The following MBTD1 variants were observed in gnomAD, a reference collection of about 807,000 sequenced individuals.
MBTD1 encodes mbt domain containing 1.
Under a neutral mutation model 87.8 loss-of-function variants are expected in MBTD1, and 24 were observed. The observed-to-expected ratio is 0.27, with a 90% CI of 0.20 to 0.38. The LOEUF is 0.38. Among genes scored for constraint, MBTD1 ranks in the 10% least tolerant of loss-of-function variants. The probability of loss-of-function intolerance (pLI) is 1.00; values close to 1 mark genes in which losing one functional copy is unlikely to be tolerated. For synonymous variants in MBTD1, 237 were observed against 248.6 expected (o/e 0.95, Z 0.44); for missense variants, 436 against 760.2 (o/e 0.57, Z 5.02).
intron 16 of MBTD1, among the ~76,000 whole-genome samples, chr17:51,182,317 G>A (rs570799238): frequency 6.6e-6 from 1 of 152,040 alleles, no homozygotes; most frequent in East Asian, 1.9e-4. Context: ...AGTAGAGATG[G>A]GGTTTTGCCA....
At chr17:51,240,719 T>G (rs1329315763) in intron 2 of MBTD1, among the ~76,000 whole-genome samples, 2 of 152,164 alleles carry the variant, frequency 1.3e-5, no homozygotes, top group Non-Finnish European at 2.9e-5. Context: ...ACTATACTCT[T>G]TGGAACAAAG....
intron 6 of MBTD1, among the ~76,000 whole-genome samples, chr17:51,212,930 A>G (rs1441730188): frequency 6.6e-6 from 1 of 152,132 alleles, no homozygotes; most frequent in Non-Finnish European, 1.5e-5. Context: ...GGGTTTCACC[A>G]TGTTGATCAG....
In MBTD1 at chr17:51,218,255, G is replaced by A. The variant is rs76978658; in HGVS notation, c.403+675C>T. ...TCTATTAAAAATCTTCTGGCTGGGCGCTGTGGCTCACACCTGTATTCCCAG... is the reference window on the plus strand; with the variant it reads ...TCTATTAAAAATCTTCTGGCTGGGCACTGTGGCTCACACCTGTATTCCCAG... On this transcript the variant is annotated intron_variant, in intron 5 of 16. Transcript: ENST00000586178. 4.3e-3 allele frequency among the ~76,000 whole-genome samples: 647 copies of A among 151,958 alleles called. 3 individuals are homozygous for A. The highest frequency in any genetic ancestry group is 0.015 in the African/African-American group (620 of 41,408).
rs369433499 is a variant in MBTD1, at chr17:51,231,182, C to T, written c.-48-5973G>A. 5.3e-5 allele frequency among the ~76,000 whole-genome samples: 8 copies of T among 152,268 alleles called. 1 individual carries two copies. The East Asian group carries it at 7.7e-4, about 15-fold the overall frequency. On this transcript the variant is annotated intron_variant, in intron 2 of 16. Coordinates refer to ENST00000586178, the MANE Select transcript of MBTD1 (RefSeq NM_017643.3). Reference sequence around the variant, plus strand: ...CAAACTCCTGACCTTGTGATCTGCCCGCCTTGGCCTCCCAAAGTGCTAGGA... The same window carrying T: ...CAAACTCCTGACCTTGTGATCTGCCTGCCTTGGCCTCCCAAAGTGCTAGGA...
At chr17:51,259,336 T>C (rs2055304317) in intron 1 of MBTD1, 130 bp from the exon 2 acceptor site, 3 of 994,920 alleles carry the variant, frequency 3.0e-6, no homozygotes, top group East Asian at 6.6e-5. Context: ...CTCCCGCACG[T>C]GCCCACCCCG....
chr17:51,220,846 C>A (rs537098434), intron 3 of MBTD1, among the ~76,000 whole-genome samples: 67 of 152,266 alleles, frequency 4.4e-4, no homozygotes, highest in African/African-American at 1.6e-3. Context: ...AAGTGCCACA[C>A]AACTGAGGAT....
chr17:51,204,003 C>A, intron 7 of MBTD1, 78 bp from the exon 8 acceptor site: 1 of 1,141,766 alleles, frequency 8.8e-7, no homozygotes, highest in South Asian at 1.5e-5. Flanking sequence ...TAGCAGTTGT[C>A]AAACTAGTGT....
chr17:51,229,618 A>G (rs1393864827), intron 2 of MBTD1, among the ~76,000 whole-genome samples: 3 of 151,690 alleles, frequency 2.0e-5, no homozygotes, highest in African/African-American at 7.3e-5. Context: ...GGTTATATAC[A>G]CGTTCTAATA....
At chr17:51,240,537 TTA>T (rs1434684204) in intron 2 of MBTD1, among the ~76,000 whole-genome samples, 1 of 152,174 alleles carries the variant, frequency 6.6e-6, no homozygotes, top group Non-Finnish European at 1.5e-5. Context: ...CAGGCTGGGG[TTA>T]TGTTTTTGGC....
chr17:51,202,580 A>C (rs543399109), intron 10 of MBTD1, 121 bp downstream of exon 10: 105 of 738,984 alleles, frequency 1.4e-4, no homozygotes, highest in East Asian at 5.3e-4. Context: ...AAGGTAGAAG[A>C]AGCAGCCCAA....
At chr17:51,258,004 G>T (rs931485235) in intron 2 of MBTD1, among the ~76,000 whole-genome samples, 2 of 89,872 alleles carry the variant, frequency 2.2e-5, no homozygotes, top group African/African-American at 5.1e-5. Context: ...AGAAGGAGGT[G>T]GTGCAAAAAA....
upstream of MBTD1, chr17:51,260,477 A>C: frequency 1.6e-6 from 2 of 1,226,004 alleles, no homozygotes; most frequent in Non-Finnish European, 1.1e-6. Flanking sequence ...GAGGCTGCGC[A>C]GGCTCCTTCC....
In MBTD1 at chr17:51,218,918, C is replaced by G; in HGVS notation, c.403+12G>C. 1 of 1,447,842 alleles carries G rather than the reference C, an allele frequency of 6.9e-7. No individual in the cohort carries two copies. Among genetic ancestry groups the G allele is most frequent in the South Asian group, 1.2e-5 (1 of 81,980 alleles). The allele number at this position is 1,447,842 out of a possible 1,614,324, so 89.7% of individuals were successfully genotyped here. A position where few individuals can be genotyped will look rare whatever the true frequency, so the allele number is the denominator to read the frequency against. ...TCATATATTTCACCTCTGTCAGATTCACCAATATTACCTGCTTTTGTCTTT... is the reference window on the plus strand; with the variant it reads ...TCATATATTTCACCTCTGTCAGATTGACCAATATTACCTGCTTTTGTCTTT... On this transcript the variant is annotated intron_variant, in intron 5 of 16. Transcript: ENST00000586178.
intron 14 of MBTD1, 64 bp downstream of exon 14, chr17:51,193,364 A>G (rs2050904895): frequency 9.2e-7 from 1 of 1,092,660 alleles, no homozygotes; most frequent in Non-Finnish European, 1.4e-6. Context: ...ATTTTTATGA[A>G]CATAAATTGT....
rs148070243 is a variant in MBTD1, at chr17:51,202,568, T to C, written c.1063+133A>G. The C allele has an allele frequency of 1.0e-3, 682 of 684,578 alleles. 8 individuals are homozygous for C. In the East Asian group the frequency reaches 0.015, roughly 15 times the overall value. The allele number at this position is 684,578 out of a possible 1,614,324, so 42.4% of individuals were successfully genotyped here. Reference sequence around the variant, plus strand: ...CTAATATGGTGTGAACCTTCACTAATTAAGGTAGAAGAAGCAGCCCAAACA... The same window carrying C: ...CTAATATGGTGTGAACCTTCACTAACTAAGGTAGAAGAAGCAGCCCAAACA... On this transcript the variant is annotated intron_variant, in intron 10 of 16. Transcript: ENST00000586178.
chr17:51,182,843 G>A (rs932305685), intron 16 of MBTD1, among the ~76,000 whole-genome samples: 2 of 152,226 alleles, frequency 1.3e-5, no homozygotes, highest in Non-Finnish European at 2.9e-5. Flanking sequence ...ATCTGGATAG[G>A]TAGTATGCCA....
intron 7 of MBTD1, among the ~76,000 whole-genome samples, chr17:51,204,148 T>C (rs1465792182): frequency 1.3e-5 from 2 of 152,228 alleles, no homozygotes; most frequent in South Asian, 2.1e-4. Flanking sequence ...GTGATGCTGT[T>C]GCTGCTGGTC....
chr17:51,220,522 T>A lies in MBTD1; in HGVS notation c.155-59A>T, dbSNP rs1598367001. The A allele has an allele frequency of 2.1e-6, 3 of 1,406,712 alleles. No individual in the cohort carries two copies. In the East Asian group the frequency reaches 7.5e-5, roughly 35 times the overall value. 87.1% of individuals were successfully genotyped at this position (1,406,712 alleles called of 1,614,324 possible). On this transcript the variant is annotated intron_variant, in intron 3 of 16. Transcript: ENST00000586178. ...TGATATAATAAAATCAATCTTCATC[T>A]AACAGTTTAAATAATTTCTCCTGCC...
intron 2 of MBTD1, among the ~76,000 whole-genome samples, chr17:51,257,737 T>C (rs1432078404): frequency 6.6e-6 from 1 of 152,184 alleles, no homozygotes; most frequent in Admixed American, 6.5e-5. Context: ...TCCTTATTAA[T>C]TAAAATGTTA....
Sources: allele counts gnomAD v4.1 joint callset (sites outside exome capture counted in the v4.1 genomes callset), GRCh38; gene constraint gnomAD v4.1.1; transcripts MANE v1.5; gene names NCBI Gene and HGNC (gene_info 2026-07-23, HGNC 2026-07-21).